EVC2: variants seen among roughly 807,000 people sequenced by gnomAD.
EVC2 encodes limbin.
In EVC2, 148 loss-of-function variants were observed where a neutral mutation model predicts 149.3. The observed-to-expected ratio is 0.99, with a 90% confidence interval of 0.87 to 1.14. The LOEUF (loss-of-function observed/expected upper bound fraction) is 1.14, where lower values mean the gene tolerates loss of function less well. Ranked by LOEUF, EVC2 falls within the 50% of genes most tolerant of loss-of-function variation. EVC2 has a pLI of 0.00. For synonymous variants in EVC2, 776 were observed against 649.9 expected (o/e 1.19, Z -2.95); for missense variants, 1,854 against 1,627.3 (o/e 1.14, Z -2.40).
At chr4:5,585,370 C>G (rs1025847453) in intron 16 of EVC2, among the ~76,000 whole-genome samples, 1 of 152,126 alleles carries the variant, frequency 6.6e-6, no homozygotes, top group African/African-American at 2.4e-5. Context: ...TCCCATTCTC[C>G]CTTCCTGAAA....
intron 7 of EVC2, among the ~76,000 whole-genome samples, chr4:5,675,121 C>G (rs1288761450): frequency 1.3e-5 from 2 of 152,178 alleles, no homozygotes; most frequent in East Asian, 1.9e-4. Flanking sequence ...CATTCCATCT[C>G]TTATAAATTA....
At chr4:5,697,314 A>G (rs1721538807) in intron 2 of EVC2, among the ~76,000 whole-genome samples, 1 of 152,216 alleles carries the variant, frequency 6.6e-6, no homozygotes, top group African/African-American at 2.4e-5. Flanking sequence ...TGATATACCC[A>G]TTTAATTCAC....
At chr4:5,610,506 T>C (rs1010571078) in intron 16 of EVC2, among the ~76,000 whole-genome samples, 6 of 152,212 alleles carry the variant, frequency 3.9e-5, no homozygotes, top group African/African-American at 1.4e-4. Context: ...TGGCTGTGTC[T>C]TCAGCCCAGG....
intron 21 of EVC2, among the ~76,000 whole-genome samples, chr4:5,553,361 A>G (rs1026423580): frequency 1.3e-5 from 2 of 152,198 alleles, no homozygotes; most frequent in Non-Finnish European, 1.5e-5. Context: ...CCATGATCCA[A>G]TCACTTCCCA....
At chr4:5,689,461 C>T in intron 4 of EVC2, 118 bp from the exon 5 acceptor site, 1 of 1,006,858 alleles carries the variant, frequency 9.9e-7, no homozygotes, top group Non-Finnish European at 1.5e-6. Context: ...GTAGCACGGT[C>T]TCGCAGAGGG....
At chr4:5,619,527 G>T (rs149803358) in intron 14 of EVC2, among the ~76,000 whole-genome samples, 6 of 152,306 alleles carry the variant, frequency 3.9e-5, no homozygotes, top group Non-Finnish European at 7.4e-5. Flanking sequence ...GAGGGAGCAT[G>T]GTTCTGCCAA....
At position 5,614,227 on chromosome 4, in the gene EVC2, A is replaced by G. The variant is rs1280620373; in HGVS notation, c.2829+1195T>C. ...CTGCTGCCAGCCTACTTCACCTGTA[A>G]GGTCACATTATCTAATTTCTTTCCT... On this transcript the variant is annotated intron_variant, in intron 16 of 21. Transcript: ENST00000344408. The surrounding 1 kb of genome is among the most constrained non-coding windows in gnomAD (Gnocchi z 4.7). 6.6e-6 allele frequency among the ~76,000 whole-genome samples: 1 copy of G among 152,118 alleles called. No individual in the cohort carries two copies. The highest frequency in any genetic ancestry group is 6.5e-5 in the Admixed American group (1 of 15,272).
At chr4:5,577,320 G>T (rs1189751386) in intron 17 of EVC2, among the ~76,000 whole-genome samples, 1 of 152,180 alleles carries the variant, frequency 6.6e-6, no homozygotes, top group Admixed American at 6.5e-5. Flanking sequence ...AGGCCACCAG[G>T]ATTAGATAAT....
chr4:5,586,005 G>A (rs1308715589), intron 16 of EVC2, among the ~76,000 whole-genome samples: 1 of 152,036 alleles, frequency 6.6e-6, no homozygotes, highest in East Asian at 1.9e-4. Context: ...GGGATTACAG[G>A]CATGCACCAC....
intron 3 of EVC2, among the ~76,000 whole-genome samples, chr4:5,693,555 A>G (rs1187854882): frequency 6.6e-6 from 1 of 152,212 alleles, no homozygotes; most frequent in African/African-American, 2.4e-5. Flanking sequence ...CTGCAGAGGG[A>G]GCGTGGCCCC....
At chr4:5,660,245 TG>T (rs1718790696) in intron 9 of EVC2, among the ~76,000 whole-genome samples, 1 of 152,186 alleles carries the variant, frequency 6.6e-6, no homozygotes. Context: ...ACTCCCCTCT[TG>T]GTGCAAGGTC....
chr4:5,672,704 G>A (rs369443295), intron 7 of EVC2, among the ~76,000 whole-genome samples: 54 of 152,224 alleles, frequency 3.5e-4, no homozygotes, highest in East Asian at 1.2e-3. Context: ...ACAGGTATTC[G>A]AACAAAAATC....
At chr4:5,612,995 G>C (rs932706839) in intron 16 of EVC2, among the ~76,000 whole-genome samples, 1 of 151,878 alleles carries the variant, frequency 6.6e-6, no homozygotes, top group African/African-American at 2.4e-5. Flanking sequence ...TAGGGGCCAG[G>C]GAGGGGTTAT....
At chr4:5,577,507 C>T (rs951445228) in intron 17 of EVC2, among the ~76,000 whole-genome samples, 6 of 152,148 alleles carry the variant, frequency 3.9e-5, no homozygotes, top group Non-Finnish European at 8.8e-5. Flanking sequence ...GGTTGGACTT[C>T]ACCATGAGAG....
At chr4:5,701,108 G>A (rs913493241) in intron 1 of EVC2, among the ~76,000 whole-genome samples, 21 of 152,122 alleles carry the variant, frequency 1.4e-4, no homozygotes, top group Admixed American at 3.3e-4. Context: ...AGACTGCTGC[G>A]TTCCTTAAGT....
At chr4:5,568,716 C>G in intron 19 of EVC2, 76 bp from the exon 20 acceptor site, 4 of 1,443,506 alleles carry the variant, frequency 2.8e-6, no homozygotes, top group Non-Finnish European at 3.8e-6. Context: ...TTATCACATT[C>G]TGAGGACATT....
At chr4:5,611,955 G>A (rs557768351) in intron 16 of EVC2, among the ~76,000 whole-genome samples, 12 of 152,180 alleles carry the variant, frequency 7.9e-5, no homozygotes, top group Non-Finnish European at 1.6e-4. Flanking sequence ...ACTAGAGGGC[G>A]CCAGAAAAGA....
Position 5,679,483 on chromosome 4 carries a change from C to G in EVC2, c.870+1777G>C, listed in dbSNP as rs577215742. On this transcript the variant is annotated intron_variant, in intron 7 of 21. Transcript: ENST00000344408. This position sits in a 1 kb window ranked among gnomAD's most constrained non-coding sequence, Gnocchi z 5.1. ...GAACTCCTGGCTTCAAGTGATCAGCCCACCTCAGCCTCCCAAAGTACTGAG... is the reference window on the plus strand; with the variant it reads ...GAACTCCTGGCTTCAAGTGATCAGCGCACCTCAGCCTCCCAAAGTACTGAG... 3.3e-4 allele frequency among the ~76,000 whole-genome samples: 50 copies of G among 152,234 alleles called. No individual in the cohort carries two copies. The highest frequency in any genetic ancestry group is 5.2e-4 in the Admixed American group (8 of 15,278).
At chr4:5,619,713 T>C (rs968741098) in intron 14 of EVC2, among the ~76,000 whole-genome samples, 3 of 152,214 alleles carry the variant, frequency 2.0e-5, no homozygotes, top group Non-Finnish European at 4.4e-5. Context: ...ACAGTCCCTC[T>C]TCCTTTCCAG....
Sources: allele counts gnomAD v4.1 joint callset (sites outside exome capture counted in the v4.1 genomes callset), GRCh38; gene constraint gnomAD v4.1.1; non-coding constraint Gnocchi (gnomAD v3.1); transcripts MANE v1.5; gene names NCBI Gene and HGNC (gene_info 2026-07-23, HGNC 2026-07-21).